FAM151A: variants seen among roughly 807,000 people sequenced by gnomAD.
The protein encoded by FAM151A is protein FAM151A.
A neutral mutation model predicts 40.4 loss-of-function variants in FAM151A; 41 were observed. That is an observed-to-expected ratio of 1.01 (90% CI 0.79 to 1.32). The LOEUF (loss-of-function observed/expected upper bound fraction) is 1.32. FAM151A is among the 40% of genes most tolerant of loss of function. The probability of loss-of-function intolerance (pLI) is 0.00; values close to 1 mark genes in which losing one functional copy is unlikely to be tolerated. For missense variants in FAM151A, 740 were observed against 740.4 expected, an observed-to-expected ratio of 1.00 and a Z score of 0.01; for synonymous variants, 337 against 312.5, an observed-to-expected ratio of 1.08 and a Z score of -0.83.
At position 54,614,817 on chromosome 1, in the gene FAM151A, G is replaced by T; in HGVS notation, c.458C>A (p.Ser153Tyr). Residue 153 changes from serine to tyrosine, a missense_variant, in exon 4 of 8, where the codon TCC becomes TAC. By Grantham distance (144) the Ser-to-Tyr change is moderately radical. Coordinates refer to ENST00000302250, the MANE Select transcript of FAM151A (RefSeq NM_176782.3). ...TGTCAGCTGCCGCAGGAGGTCCAGG[G>T]AGGGGCCCACTGCCTTGATGTTCTT... ...DFKNIKAVGP[S>Y]LDLLRQLTEE... 1 of 1,614,198 alleles carries T rather than the reference G, an allele frequency of 6.2e-7. No individual in the cohort carries two copies. The highest frequency in any genetic ancestry group is 8.5e-7 in the Non-Finnish European group (1 of 1,180,028).
Position 54,616,069 on chromosome 1 carries a change from G to A in FAM151A, c.366C>T (p.Asp122=). ...IMAHPPTIYS[D]NTLEQWLDAV... ...CGTCCAGCCACTGCTCCAGTGTGTT[G>A]TCACTGTAGATAGTGGGGGGGTGTG... is the stretch of plus-strand genomic sequence containing the variant. The change falls in exon 3 of 8, where the codon GAC becomes GAT. Residue 122 remains aspartate (D), a synonymous_variant. Transcript: ENST00000302250. 6.2e-7 allele frequency: 1 copy of A among 1,614,168 alleles called. No homozygotes were observed. Among genetic ancestry groups the A allele is most frequent in the Non-Finnish European group, 8.5e-7 (1 of 1,180,038 alleles).
At position 54,609,507 on chromosome 1, in the gene FAM151A, G is replaced by C. The variant is rs760347088; in HGVS notation, c.1519C>G (p.Pro507Ala). Residue 507 changes from proline (P) to alanine (A), a missense_variant, in exon 8 of 8, where the codon CCT becomes GCT. Physicochemically the swap from Pro to Ala is conservative, Grantham distance 27 (BLOSUM62 -1). Transcript: ENST00000302250. ...MLELCQGLWQ[P>A]VSFQMQAMLL... ...ATGGCCTGCATCTGGAAGGACACAGGTTGCCAGAGCCCCTGGCACAACTCT... is the reference window on the plus strand; with the variant it reads ...ATGGCCTGCATCTGGAAGGACACAGCTTGCCAGAGCCCCTGGCACAACTCT... 6.2e-7 allele frequency: 1 copy of C among 1,613,120 alleles called. No homozygotes were observed. Among genetic ancestry groups the C allele is most frequent in the South Asian group, 1.1e-5 (1 of 91,086 alleles).
intron 3 of FAM151A, among the ~76,000 whole-genome samples, 200 bp downstream of exon 3, chr1:54,615,819 AC>A (rs1410980002): frequency 3.3e-5 from 5 of 152,156 alleles, no homozygotes; most frequent in Non-Finnish European, 7.4e-5. Context: ...CCAGGAGAAA[AC>A]ACCAGGACCT....
At position 54,609,704 on chromosome 1, in the gene FAM151A, A is replaced by G; in HGVS notation, c.1322T>C (p.Val441Ala). ...GTGGGAGATTTTGGCCCCAACCCAC[A>G]CAGGCCAATGCAAGAGGCCAAGGCT... ...LSSLGLLHWP[V>A]WVGAKISHGS... is the part of the protein sequence containing the mutation. Residue 441 changes from valine (V) to alanine (A), a missense_variant, in exon 8 of 8, where the codon GTG becomes GCG. By Grantham distance (64) the Val-to-Ala change is moderately conservative. Transcript: ENST00000302250. 2 of 1,614,084 alleles carry G rather than the reference A, an allele frequency of 1.2e-6. No homozygotes were observed. Among genetic ancestry groups the G allele is most frequent in the Non-Finnish European group, 1.7e-6 (2 of 1,180,018 alleles).
At chr1:54,614,913 T>C (rs1196526852) in intron 3 of FAM151A, 54 bp from the exon 4 acceptor site, 11 of 1,578,170 alleles carry the variant, frequency 7.0e-6, no homozygotes, top group Admixed American at 5.2e-5. Flanking sequence ...TAGGAATACA[T>C]GACTCCCTGG....
chr1:54,618,628 A>G (rs1569797099), intron 2 of FAM151A, among the ~76,000 whole-genome samples: 1 of 152,166 alleles, frequency 6.6e-6, no homozygotes, highest in East Asian at 1.9e-4. Flanking sequence ...GATGAGAGGA[A>G]AGGATTTGTT....
Position 54,609,959 on chromosome 1 carries a change from G to C in FAM151A, c.1085-18C>G, listed in dbSNP as rs1310003494. On this transcript the variant is annotated intron_variant, in intron 7 of 7. Coordinates refer to ENST00000302250, the MANE Select transcript of FAM151A (RefSeq NM_176782.3). ...TTCTGTGTCTGGAAGAGGCGGCAGAGGCAACAGTGTTTAGGATTTGGGTTA... is the reference window on the plus strand; with the variant it reads ...TTCTGTGTCTGGAAGAGGCGGCAGACGCAACAGTGTTTAGGATTTGGGTTA... The C allele has an allele frequency of 6.3e-7, 1 of 1,594,296 alleles. No individual in the cohort carries two copies. Among genetic ancestry groups the C allele is most frequent in the Non-Finnish European group, 8.5e-7 (1 of 1,174,994 alleles).
chr1:54,622,042 G>A (rs1644234619), intron 1 of FAM151A, among the ~76,000 whole-genome samples: 1 of 152,154 alleles, frequency 6.6e-6, no homozygotes, highest in African/African-American at 2.4e-5. Context: ...GGGAGGCCAA[G>A]GTGGGCAGAT....
Position 54,609,949 on chromosome 1 carries a change from A to C in FAM151A, c.1085-8T>G, listed in dbSNP as rs775541411. ...GGATCATGCCTTCTGTGTCTGGAAGAGGCGGCAGAGGCAACAGTGTTTAGG... is the reference window on the plus strand; with the variant it reads ...GGATCATGCCTTCTGTGTCTGGAAGCGGCGGCAGAGGCAACAGTGTTTAGG... On this transcript the variant is annotated splice_polypyrimidine_tract_variant and splice_region_variant and intron_variant, in intron 7 of 7. Transcript: ENST00000302250. 6.3e-7 allele frequency: 1 copy of C among 1,597,888 alleles called. No homozygotes were observed. The highest frequency in any genetic ancestry group is 1.1e-5 in the South Asian group (1 of 90,486).
intron 1 of FAM151A, among the ~76,000 whole-genome samples, chr1:54,622,100 C>A (rs1004545822): frequency 2.0e-5 from 3 of 149,110 alleles, no homozygotes; most frequent in Non-Finnish European, 4.5e-5. Context: ...ATGGTGAAAC[C>A]CCGTCTCTAG....
At position 54,612,692 on chromosome 1, in the gene FAM151A, CT is replaced by C. The variant is rs985738043; in HGVS notation, c.593del (p.Gln198ArgfsTer65). The C allele has an allele frequency of 6.2e-7, 1 of 1,613,698 alleles. No homozygotes were observed. Among genetic ancestry groups the C allele is most frequent in the Non-Finnish European group, 8.5e-7 (1 of 1,179,966 alleles). ...VNATQFLALV[Q>X]EKYPKATLSP... ...ATAGGGTAGCCTTGGGATACTTCTC[CT>C]GGACCAGGGCCAGGAACCTGCAAAA... On this transcript the variant is annotated frameshift_variant, in exon 5 of 8. Transcript: ENST00000302250. LOFTEE classifies it high-confidence loss of function.
intron 2 of FAM151A, among the ~76,000 whole-genome samples, chr1:54,619,157 AGCCTGTGTCTTCTGAAACGT>A (rs1223606976): frequency 6.6e-6 from 1 of 152,202 alleles, no homozygotes. Context: ...TGGGGCCAGC[AGCCTGTGTCTTCTGAAACGT>A]GCCCAGGTTT....
intron 2 of FAM151A, among the ~76,000 whole-genome samples, chr1:54,618,634 T>G (rs1016850950): frequency 6.6e-6 from 1 of 152,116 alleles, no homozygotes; most frequent in African/African-American, 2.4e-5. Flanking sequence ...AGGAAAGGAT[T>G]TGTTTCCTGT....
At chr1:54,615,526 GGGAGGTCCT>G (rs1553165769) in intron 3 of FAM151A, among the ~76,000 whole-genome samples, 1 of 152,132 alleles carries the variant, frequency 6.6e-6, no homozygotes, top group Non-Finnish European at 1.5e-5. Flanking sequence ...CCAGTGAGGA[GGGAGGTCCT>G]GGAGAGATAC....
intron 7 of FAM151A, 200 bp downstream of exon 7, chr1:54,610,212 G>A (rs547175365): frequency 1.1e-5 from 16 of 1,436,010 alleles, no homozygotes; most frequent in Non-Finnish European, 1.5e-5. Flanking sequence ...GCTGAGGACT[G>A]GTCTGAAGGC....
intron 1 of FAM151A, among the ~76,000 whole-genome samples, 170 bp downstream of exon 1, chr1:54,623,108 G>A (rs111956488): frequency 0.013 from 1,981 of 151,890 alleles, 31 homozygotes; most frequent in South Asian, 0.024. Context: ...CCTGGGAGGC[G>A]GAGGTTGCAG....
At chr1:54,611,573 G>C (rs1644118675) in intron 6 of FAM151A, 33 bp downstream of exon 6, 1 of 1,610,642 alleles carries the variant, frequency 6.2e-7, no homozygotes, top group African/African-American at 1.3e-5. Context: ...GCAGAATCCA[G>C]CCCACACCAC....
intron 2 of FAM151A, 66 bp downstream of exon 2, chr1:54,619,798 A>G: frequency 6.5e-7 from 1 of 1,537,272 alleles, no homozygotes; most frequent in Non-Finnish European, 8.9e-7. Flanking sequence ...TCTGATCCTC[A>G]CTTCTCTCCC....
At position 54,609,373 on chromosome 1, in the gene FAM151A, C is replaced by CA; in HGVS notation, c.1652dup (p.Arg552GlufsTer8). On this transcript the variant is annotated frameshift_variant, in exon 8 of 8. Transcript: ENST00000302250. LOFTEE classifies it low-confidence loss of function (END_TRUNC). ...CCCTAGCTGCCAGCAATGCTGTCCT[C>CA]ACAGAGGCATAGTCGCCCCCAGCTG... 1 of 1,614,146 alleles carries CA rather than the reference C, an allele frequency of 6.2e-7. No individual in the cohort carries two copies. The highest frequency in any genetic ancestry group is 8.5e-7 in the Non-Finnish European group (1 of 1,180,008).
Sources: gnomAD v4.1 joint callset for allele counts (sites outside exome capture counted in the v4.1 genomes callset) on GRCh38, gnomAD v4.1.1 for gene constraint, MANE v1.5 for transcripts, NCBI Gene and HGNC (gene_info 2026-07-23, HGNC 2026-07-21) for gene names.